DOCK3: variants seen among roughly 807,000 people sequenced by gnomAD.
DOCK3 encodes the protein dedicator of cytokinesis 3.
In DOCK3, 60 loss-of-function variants were observed where a neutral mutation model predicts 265.6. That is an observed-to-expected ratio of 0.23 (90% CI 0.18 to 0.28). DOCK3 has a LOEUF of 0.28. Ranked by LOEUF, DOCK3 falls within the 10% of genes least tolerant of loss-of-function variation. The probability of loss-of-function intolerance (pLI) is 1.00; values close to 1 mark genes in which losing one functional copy is unlikely to be tolerated. For synonymous variants in DOCK3, 881 were observed against 938.0 expected, an observed-to-expected ratio of 0.94 and a Z score of 1.11; for missense variants, 1,981 against 2,594.3, an observed-to-expected ratio of 0.76 and a Z score of 5.14.
At chr3:50,852,156 G>T (rs2046380560) in intron 3 of DOCK3, among the ~76,000 whole-genome samples, 2 of 152,178 alleles carry the variant, frequency 1.3e-5, no homozygotes, top group African/African-American at 4.8e-5. Context: ...CACAGGAGTT[G>T]TTTGCTAGTA....
intron 6 of DOCK3, among the ~76,000 whole-genome samples, chr3:51,072,272 AAGAT>A (rs1303838281): frequency 6.6e-6 from 1 of 152,200 alleles, no homozygotes; most frequent in African/African-American, 2.4e-5. Context: ...GATGCTAACT[AAGAT>A]AGAGTTCTTA....
chr3:51,100,423 G>A (rs967111443), intron 9 of DOCK3, among the ~76,000 whole-genome samples: 6 of 152,142 alleles, frequency 3.9e-5, no homozygotes, highest in African/African-American at 1.4e-4. Flanking sequence ...ATGGAACCTG[G>A]GGCAAGTATG....
intron 3 of DOCK3, among the ~76,000 whole-genome samples, chr3:50,846,994 C>G (rs1204795633): frequency 6.6e-6 from 1 of 152,012 alleles, no homozygotes; most frequent in African/African-American, 2.4e-5. Flanking sequence ...CAGTTCTGCT[C>G]TGATTTTAGT....
At chr3:51,255,362 G>A (rs183600735) in intron 22 of DOCK3, among the ~76,000 whole-genome samples, 2 of 152,156 alleles carry the variant, frequency 1.3e-5, no homozygotes, top group Admixed American at 6.5e-5. Context: ...TGCTTTACTC[G>A]AGGAGTATCT....
At chr3:50,922,106 T>C (rs1406952193) in intron 4 of DOCK3, among the ~76,000 whole-genome samples, 2 of 152,326 alleles carry the variant, frequency 1.3e-5, no homozygotes, top group East Asian at 3.9e-4. Flanking sequence ...CGTTTAAGTC[T>C]GCAGAAGTTT....
chr3:50,807,948 G>A (rs2043527533), intron 2 of DOCK3, among the ~76,000 whole-genome samples: 2 of 152,080 alleles, frequency 1.3e-5, no homozygotes, highest in Admixed American at 6.5e-5. Flanking sequence ...ATAGGATTTC[G>A]CCATGTTGCC....
chr3:50,677,026 T>C (rs954970989), intron 1 of DOCK3, among the ~76,000 whole-genome samples: 1 of 152,204 alleles, frequency 6.6e-6, no homozygotes, highest in African/African-American at 2.4e-5. Flanking sequence ...GGATTTGGTG[T>C]GTGATTTTCC....
intron 51 of DOCK3, 46 bp from the exon 52 acceptor site, chr3:51,380,079 C>A: frequency 1.3e-6 from 2 of 1,573,780 alleles, no homozygotes; most frequent in South Asian, 1.2e-5. Context: ...GGCATGAAGT[C>A]TGTGCAGGGC....
At chr3:51,289,988 T>A (rs1199424193) in intron 27 of DOCK3, among the ~76,000 whole-genome samples, 1 of 151,828 alleles carries the variant, frequency 6.6e-6, no homozygotes, top group Non-Finnish European at 1.5e-5. Flanking sequence ...CAATGAGATA[T>A]CATCTCACAC....
At chr3:50,971,258 A>G (rs1419897769) in intron 5 of DOCK3, among the ~76,000 whole-genome samples, 1 of 151,712 alleles carries the variant, frequency 6.6e-6, no homozygotes, top group Non-Finnish European at 1.5e-5. Context: ...CTGTTTTTTT[A>G]TATTTTCAGA....
intron 33 of DOCK3, 81 bp downstream of exon 33, chr3:51,330,304 C>A: frequency 7.3e-7 from 1 of 1,378,338 alleles, no homozygotes; most frequent in Non-Finnish European, 1.0e-6. Context: ...TGCAACTGCA[C>A]TGGCAGGCTT....
At chr3:51,207,996 T>C (rs1338268117) in intron 12 of DOCK3, among the ~76,000 whole-genome samples, 1 of 152,212 alleles carries the variant, frequency 6.6e-6, no homozygotes, top group African/African-American at 2.4e-5. Flanking sequence ...TCCTAAACTT[T>C]GTTCCAAATG....
rs116173754 is a variant in DOCK3 at position 50,969,641 on chromosome 3, T to G, written c.315+35564T>G. Among the ~76,000 whole-genome samples the G allele has an allele frequency of 1.9e-3, 285 of 152,342 alleles. 2 individuals are homozygous for G. Among genetic ancestry groups the G allele is most frequent in the Middle Eastern group, 6.8e-3 (2 of 294 alleles). ...AACCTTTTGTTTTCATGTTTAGAAC[T>G]CTGTTGAACACTTGTTTTAGTACTG... On this transcript the variant is annotated intron_variant, in intron 5 of 52. Coordinates refer to ENST00000266037, the MANE Select transcript of DOCK3 (RefSeq NM_004947.5).
At chr3:51,247,801 T>C (rs2078910391) in intron 22 of DOCK3, among the ~76,000 whole-genome samples, 1 of 152,174 alleles carries the variant, frequency 6.6e-6, no homozygotes, top group Non-Finnish European at 1.5e-5. Flanking sequence ...ATATCCGCAG[T>C]ATCCTAAGGG....
At chr3:51,015,310 G>A (rs1442251341) in intron 5 of DOCK3, among the ~76,000 whole-genome samples, 1 of 151,938 alleles carries the variant, frequency 6.6e-6, no homozygotes, top group Non-Finnish European at 1.5e-5. Flanking sequence ...TGTTTCTAAT[G>A]TACCCAGTTT....
At position 50,970,430 on chromosome 3, in the gene DOCK3, A is replaced by G. The variant is rs866665783; in HGVS notation, c.315+36353A>G. ...CTTCTCCATTTGGAATATTTATAAC[A>G]CATAGGTTTGGATATATTACATAAT... On this transcript the variant is annotated intron_variant, in intron 5 of 52. Transcript: ENST00000266037. Among the ~76,000 whole-genome samples, 3 of 152,090 alleles carry G rather than the reference A, an allele frequency of 2.0e-5. No individual in the cohort carries two copies. In the South Asian group the frequency reaches 6.2e-4, roughly 31 times the overall value.
At chr3:51,055,979 G>A (rs765707354) in intron 5 of DOCK3, among the ~76,000 whole-genome samples, 7 of 152,168 alleles carry the variant, frequency 4.6e-5, no homozygotes, top group Non-Finnish European at 8.8e-5. Context: ...TTGAGATGTG[G>A]AGGAGTTAGA....
intron 1 of DOCK3, among the ~76,000 whole-genome samples, chr3:50,752,024 A>G (rs1445823583): frequency 6.6e-6 from 1 of 152,104 alleles, no homozygotes; most frequent in Non-Finnish European, 1.5e-5. Context: ...ATTACAATTC[A>G]AGATGAGATT....
At chr3:50,970,566 G>A (rs184644092) in intron 5 of DOCK3, among the ~76,000 whole-genome samples, 2 of 151,606 alleles carry the variant, frequency 1.3e-5, no homozygotes, top group East Asian at 2.0e-4. Context: ...TCCTCTGCTT[G>A]TTCTAGTCTA....
Sources: gnomAD v4.1 joint callset for allele counts (sites outside exome capture counted in the v4.1 genomes callset) on GRCh38, gnomAD v4.1.1 for gene constraint, MANE v1.5 for transcripts, NCBI Gene and HGNC (gene_info 2026-07-23, HGNC 2026-07-21) for gene names.